The following PLCZ1 variants were observed in gnomAD, a reference collection of about 807,000 sequenced individuals.
PLCZ1 encodes 1-phosphatidylinositol 4,5-bisphosphate phosphodiesterase zeta-1.
PLCZ1 carries 64 observed loss-of-function variants against 76.8 expected under a neutral mutation model. The ratio of observed to expected loss-of-function variants is 0.83; its 90% CI spans 0.68 to 1.03. PLCZ1 has a LOEUF of 1.03. Ranked by LOEUF, PLCZ1 falls within the 50% of genes least tolerant of loss-of-function variation. PLCZ1 has a pLI of 0.00. For synonymous variants in PLCZ1, 248 were observed against 230.8 expected (o/e 1.07, Z -0.68); for missense variants, 751 against 713.7 (o/e 1.05, Z -0.60).
chr12:18,659,281 A>G, the PLCZ1 span, among the ~76,000 whole-genome samples: 3 of 152,226 alleles, frequency 2.0e-5, no homozygotes, highest in Admixed American at 6.5e-5. Flanking sequence ...GATAAATACT[A>G]TCACTAGTCC....
chr12:18,720,375 T>C (rs1958368157), intron 4 of PLCZ1, among the ~76,000 whole-genome samples: 1 of 151,668 alleles, frequency 6.6e-6, no homozygotes, highest in African/African-American at 2.4e-5. Flanking sequence ...GTATGGTGCA[T>C]GCCTAGGAAT....
In PLCZ1 at chr12:18,696,220, A is replaced by T; in HGVS notation, c.1221T>A (p.Tyr407Ter). ...AAGAGTCTGCTCTTGTTGCTTTGGG[A>T]TATATTCTGGTAATGAACTTCCTGG... ...FHTRKFITRI[Y>*]PKATRADSSN... Residue 407 changes from tyrosine to a stop codon, truncating the protein, a stop_gained, in exon 11 of 15, where the codon TAT becomes TAA. Coordinates refer to ENST00000266505, the MANE Select transcript of PLCZ1 (RefSeq NM_033123.4). LOFTEE classifies it high-confidence loss of function. 6.2e-7 allele frequency: 1 copy of T among 1,601,082 alleles called. No individual in the cohort carries two copies. The highest frequency in any genetic ancestry group is 8.5e-7 in the Non-Finnish European group (1 of 1,171,448).
chr12:18,721,251 G>A (rs948411120), intron 4 of PLCZ1, among the ~76,000 whole-genome samples: 2 of 151,994 alleles, frequency 1.3e-5, no homozygotes, highest in Non-Finnish European at 2.9e-5. Flanking sequence ...TTAATCACAT[G>A]GATTTTTAAA....
At chr12:18,659,217 C>T in the PLCZ1 span, among the ~76,000 whole-genome samples, 1 of 152,132 alleles carries the variant, frequency 6.6e-6, no homozygotes, top group Non-Finnish European at 1.5e-5. Context: ...ACTTTAGGCA[C>T]TAAATAACCA....
chr12:18,703,271 T>C (rs943705346), intron 7 of PLCZ1, among the ~76,000 whole-genome samples: 2 of 152,178 alleles, frequency 1.3e-5, no homozygotes, highest in Non-Finnish European at 2.9e-5. Context: ...ACACAGTTCA[T>C]TTTTTTCTGT....
chr12:18,695,124 C>T (rs1018399657), intron 11 of PLCZ1, 45 bp from the exon 12 acceptor site: 3 of 1,560,734 alleles, frequency 1.9e-6, no homozygotes, highest in Non-Finnish European at 2.6e-6. Context: ...ATAGAGAATA[C>T]AAATAAAGGA....
At chr12:18,709,572 T>A (rs575073306) in intron 6 of PLCZ1, among the ~76,000 whole-genome samples, 167 of 152,170 alleles carry the variant, frequency 1.1e-3, no homozygotes, top group African/African-American at 4.0e-3. Context: ...GGAATTTTGA[T>A]AAGAATTGCA....
At chr12:18,658,578 A>C in the PLCZ1 span, among the ~76,000 whole-genome samples, 14 of 152,160 alleles carry the variant, frequency 9.2e-5, no homozygotes, top group Non-Finnish European at 1.9e-4. Context: ...ATATTTGATA[A>C]AAACTATTTT....
At chr12:18,711,733 A>C (rs1288605396) in intron 6 of PLCZ1, among the ~76,000 whole-genome samples, 2 of 151,916 alleles carry the variant, frequency 1.3e-5, no homozygotes, top group African/African-American at 4.8e-5. Context: ...GCTCAATTTT[A>C]AACATGTTAA....
At chr12:18,669,971 TTCC>T in the PLCZ1 span, among the ~76,000 whole-genome samples, 1 of 152,034 alleles carries the variant, frequency 6.6e-6, no homozygotes, top group Non-Finnish European at 1.5e-5. Context: ...CCCGGCCCTC[TTCC>T]TCTTCTTATA....
At chr12:18,692,850 T>C in intron 12 of PLCZ1, 1 of 1,596,672 alleles carries the variant, frequency 6.3e-7, no homozygotes, top group Non-Finnish European at 8.6e-7. Flanking sequence ...GAAAAAGAAA[T>C]ATGAACCTCC....
intron 13 of PLCZ1, among the ~76,000 whole-genome samples, chr12:18,685,034 T>C (rs1952888277): frequency 6.6e-6 from 1 of 152,034 alleles, no homozygotes; most frequent in Admixed American, 6.6e-5. Context: ...TGTGAGTCAA[T>C]TAAACCTCTT....
chr12:18,696,325 T>TATATATATATATATATATATATATATAG, intron 10 of PLCZ1, 59 bp from the exon 11 acceptor site: 1 of 49,078 alleles, frequency 2.0e-5, no homozygotes, highest in Non-Finnish European at 5.7e-5. Context: ...AAAGCCACTA[T>TATATATATATATATATATATATATATAG]ATATATATAT....
Position 18,712,979 on chromosome 12 carries a change from C to T in PLCZ1, c.577G>A (p.Val193Met), listed in dbSNP as rs2137430610. ...SDLWGYVSAL[V>M]KGCRCLEIDC... ...ATCTCCAAACAACGGCATCCTTTCA[C>T]AAGGGCACTAGCAAAATTTCAGCAA... Residue 193 changes from valine to methionine, a missense_variant, in exon 6 of 15, where the codon GTG becomes ATG. Val to Met is a conservative substitution (Grantham distance 21). Coordinates refer to ENST00000266505, the MANE Select transcript of PLCZ1 (RefSeq NM_033123.4). 3.1e-6 allele frequency: 5 copies of T among 1,613,906 alleles called. No individual in the cohort carries two copies. Among genetic ancestry groups the T allele is most frequent in the Non-Finnish European group, 4.2e-6 (5 of 1,179,844 alleles).
Position 18,695,061 on chromosome 12 carries a change from G to A in PLCZ1, c.1310C>T (p.Thr437Ile), listed in dbSNP as rs367728469. 5 of 1,612,880 alleles carry A rather than the reference G, an allele frequency of 3.1e-6. No homozygotes were observed. The highest frequency in any genetic ancestry group is 4.5e-5 in the East Asian group (2 of 44,774). ...GCQMVALNFQ[T>I]PGLPMDLQNG... ...TTGCAGATCCATGGGCAGACCAGGG[G>A]TCTGGAAATTTAAAGCCACTGTAAG... is the stretch of plus-strand genomic sequence containing the variant. Residue 437 changes from threonine (T) to isoleucine (I), a missense_variant, in exon 12 of 15, where the codon ACC becomes ATC. Thr to Ile is a moderately conservative substitution (Grantham distance 89, BLOSUM62 -1). Transcript: ENST00000266505.
chr12:18,709,209 G>C (rs997611039), intron 6 of PLCZ1, among the ~76,000 whole-genome samples: 16 of 151,610 alleles, frequency 1.1e-4, no homozygotes, highest in South Asian at 6.3e-4. Flanking sequence ...ATAAGATAAG[G>C]GTCTAATTTC....
chr12:18,704,154 T>C (rs1431106563), intron 7 of PLCZ1, among the ~76,000 whole-genome samples: 1 of 152,096 alleles, frequency 6.6e-6, no homozygotes, highest in Non-Finnish European at 1.5e-5. Flanking sequence ...TGAATGTTAA[T>C]GAGAGGACAA....
At chr12:18,692,378 T>C (rs949972237) in intron 12 of PLCZ1, among the ~76,000 whole-genome samples, 1 of 152,034 alleles carries the variant, frequency 6.6e-6, no homozygotes, top group Admixed American at 6.6e-5. Context: ...CAACTAGAGG[T>C]TTTTCAAAAG....
At chr12:18,683,560 C>A (rs760701660) in intron 14 of PLCZ1, 1 of 1,483,344 alleles carries the variant, frequency 6.7e-7, no homozygotes, top group African/African-American at 1.4e-5. Flanking sequence ...TTCCGCAAAG[C>A]GCTGCATGAT....
Sources: allele counts gnomAD v4.1 joint callset (sites outside exome capture counted in the v4.1 genomes callset), GRCh38; gene constraint gnomAD v4.1.1; transcripts MANE v1.5; gene names NCBI Gene and HGNC (gene_info 2026-07-23, HGNC 2026-07-21).